MYO16: variants seen among roughly 807,000 people sequenced by gnomAD.
The protein encoded by MYO16 is myosin XVI, also known as unconventional myosin-XVI.
Under a neutral mutation model 205.3 loss-of-function variants are expected in MYO16, and 94 were observed. The observed-to-expected ratio is 0.46, with a 90% CI of 0.39 to 0.54. MYO16 has a LOEUF of 0.54. MYO16 is among the 20% of genes least tolerant of loss of function. The pLI, the probability that MYO16 is intolerant of heterozygous loss-of-function variation, is 0.00. For missense variants in MYO16, 2,315 were observed against 2,387.5 expected (o/e 0.97, Z 0.63); for synonymous variants, 988 against 954.0 (o/e 1.04, Z -0.66).
chr13:109,056,905 G>A (rs1169841940), intron 27 of MYO16, among the ~76,000 whole-genome samples: 2 of 151,874 alleles, frequency 1.3e-5, no homozygotes, highest in African/African-American at 2.4e-5. Flanking sequence ...GTGAAATCTC[G>A]CATTTATGTT....
At chr13:108,826,601 T>C (rs1876283568) in intron 9 of MYO16, among the ~76,000 whole-genome samples, 1 of 150,828 alleles carries the variant, frequency 6.6e-6, no homozygotes, top group Non-Finnish European at 1.5e-5. Flanking sequence ...AATAAGAAAG[T>C]GAAAAAAAAG....
intron 2 of MYO16, among the ~76,000 whole-genome samples, chr13:108,672,130 A>G (rs1279080651): frequency 6.6e-6 from 1 of 152,162 alleles, no homozygotes; most frequent in Non-Finnish European, 1.5e-5. Flanking sequence ...ATTTCTTACA[A>G]TTTAAGAAAT....
chr13:109,113,542 A>C (rs1875516802), intron 28 of MYO16, among the ~76,000 whole-genome samples: 1 of 152,254 alleles, frequency 6.6e-6, no homozygotes, highest in South Asian at 2.1e-4. Flanking sequence ...AAATGGACGC[A>C]TGTAGACCCA....
At position 109,022,676 on chromosome 13, in the gene MYO16, A is replaced by G. The variant is rs1194087702; in HGVS notation, c.2796+2765A>G. On this transcript the variant is annotated intron_variant, in intron 23 of 34. Transcript: ENST00000457511. Reference sequence around the variant, plus strand: ...ATGTATATATTTATATATTATATATACACATATAAACATGTATATATTTAT... The same window carrying G: ...ATGTATATATTTATATATTATATATGCACATATAAACATGTATATATTTAT... Among the ~76,000 whole-genome samples, 3 of 55,896 alleles carry G rather than the reference A, an allele frequency of 5.4e-5. 1 individual carries two copies. Among genetic ancestry groups the G allele is most frequent in the African/African-American group, 1.1e-4 (2 of 19,016 alleles). The allele number at this position is 55,896 out of a possible 152,430, so 36.7% of individuals were successfully genotyped here.
chr13:108,959,578 T>G (rs143014252), intron 17 of MYO16, among the ~76,000 whole-genome samples: 1 of 152,246 alleles, frequency 6.6e-6, no homozygotes, highest in Non-Finnish European at 1.5e-5. Flanking sequence ...GGGAGTGACT[T>G]GAATGGTGAG....
intron 16 of MYO16, among the ~76,000 whole-genome samples, chr13:108,926,564 C>G (rs556546994): frequency 6.6e-6 from 1 of 152,198 alleles, no homozygotes; most frequent in African/African-American, 2.4e-5. Flanking sequence ...AACGAACACA[C>G]AGGACTCTCC....
At chr13:108,662,161 A>G (rs1566535692) in intron 1 of MYO16, among the ~76,000 whole-genome samples, 1 of 152,210 alleles carries the variant, frequency 6.6e-6, no homozygotes, top group African/African-American at 2.4e-5. Context: ...TCAGCCGTGG[A>G]TAACAGTACC....
intron 16 of MYO16, among the ~76,000 whole-genome samples, chr13:108,912,428 A>G (rs180715178): frequency 2.0e-5 from 3 of 152,288 alleles, no homozygotes; most frequent in Non-Finnish European, 4.4e-5. Flanking sequence ...AAAAGCTAAT[A>G]TTAAAGTATG....
At position 108,885,154 on chromosome 13, in the gene MYO16, T is replaced by A. The variant is rs558012801; in HGVS notation, c.1553+1968T>A. Reference sequence around the variant, plus strand: ...TTTCTTTTGATACGGAGTTTCGTTCTTGTTGCCCAGGCTGGAGTGCAATGG... The same window carrying A: ...TTTCTTTTGATACGGAGTTTCGTTCATGTTGCCCAGGCTGGAGTGCAATGG... On this transcript the variant is annotated intron_variant, in intron 13 of 34. Coordinates refer to ENST00000457511, the MANE Select transcript of MYO16 (RefSeq NM_001198950.3). Among the ~76,000 whole-genome samples the A allele has an allele frequency of 4.6e-5, 7 of 152,302 alleles. No individual in the cohort carries two copies. In the East Asian group the frequency reaches 1.2e-3, roughly 25 times the overall value.
At chr13:108,823,440 A>G (rs185334801) in intron 9 of MYO16, among the ~76,000 whole-genome samples, 162 bp downstream of exon 9, 6 of 152,282 alleles carry the variant, frequency 3.9e-5, no homozygotes, top group Admixed American at 1.3e-4. Context: ...AGTTAAACAT[A>G]ATTTTATTTT....
At chr13:108,972,347 TAGCC>T (rs1225665640) in intron 20 of MYO16, among the ~76,000 whole-genome samples, 24 of 16,400 alleles carry the variant, frequency 1.5e-3, no homozygotes, top group African/African-American at 4.6e-3. Context: ...TATATATATA[TAGCC>T]ATATATATAT....
chr13:109,050,774 A>G (rs1887222230), intron 24 of MYO16, among the ~76,000 whole-genome samples: 1 of 152,070 alleles, frequency 6.6e-6, no homozygotes, highest in African/African-American at 2.4e-5. Context: ...ATTAATTACT[A>G]TGATTATACT....
chr13:108,916,328 A>G (rs1445022930), intron 16 of MYO16, among the ~76,000 whole-genome samples: 1 of 152,210 alleles, frequency 6.6e-6, no homozygotes, highest in Admixed American at 6.5e-5. Context: ...TCTGTATTGT[A>G]TAGTGAGATG....
At chr13:108,839,268 A>T (rs773291779) in intron 9 of MYO16, among the ~76,000 whole-genome samples, 17 of 152,076 alleles carry the variant, frequency 1.1e-4, no homozygotes, top group Non-Finnish European at 2.4e-4. Flanking sequence ...TAACTTATTC[A>T]TGGGGGCAAA....
chr13:109,127,053 A>T lies in MYO16; in HGVS notation c.3783-229A>T, dbSNP rs1876285864. 6.6e-6 allele frequency among the ~76,000 whole-genome samples: 1 copy of T among 152,154 alleles called. No individual in the cohort carries two copies. Among genetic ancestry groups the T allele is most frequent in the Non-Finnish European group, 1.5e-5 (1 of 68,036 alleles). On this transcript the variant is annotated intron_variant, in intron 30 of 34. Transcript: ENST00000457511. This position sits in a 1 kb window ranked among gnomAD's most constrained non-coding sequence, Gnocchi z 4.2. ...AATGTTTAAAAAGTAATCATGATGG[A>T]TATCCCGCGGGCTCATGTGCTTTTC...
At chr13:108,763,013 A>T (rs1441526303) in intron 4 of MYO16, among the ~76,000 whole-genome samples, 2 of 152,208 alleles carry the variant, frequency 1.3e-5, no homozygotes, top group African/African-American at 4.8e-5. Flanking sequence ...AAAGTCTCTA[A>T]TCTTTCTCTC....
At chr13:108,554,942 T>G in the MYO16 span, among the ~76,000 whole-genome samples, 1 of 151,534 alleles carries the variant, frequency 6.6e-6, no homozygotes, top group Admixed American at 6.6e-5. Context: ...GAGATCTGGA[T>G]ATAATCTAAC....
chr13:108,736,707 G>C (rs1594251498), intron 4 of MYO16, among the ~76,000 whole-genome samples: 1 of 152,102 alleles, frequency 6.6e-6, no homozygotes, highest in Admixed American at 6.6e-5. Flanking sequence ...GATGGGGATG[G>C]CATTGAATCT....
intron 16 of MYO16, among the ~76,000 whole-genome samples, chr13:108,950,690 C>T (rs562788575): frequency 1.3e-5 from 2 of 152,310 alleles, no homozygotes; most frequent in African/African-American, 2.4e-5. Flanking sequence ...TATTGCACTT[C>T]TCAGCATCCG....
Sources: gnomAD v4.1 joint callset for allele counts (sites outside exome capture counted in the v4.1 genomes callset) on GRCh38, gnomAD v4.1.1 for gene constraint, Gnocchi (gnomAD v3.1) non-coding constraint, MANE v1.5 for transcripts, NCBI Gene and HGNC (gene_info 2026-07-23, HGNC 2026-07-21) for gene names.